The following KIAA1217 variants were observed in gnomAD, a reference collection of about 807,000 sequenced individuals.
KIAA1217 encodes KIAA1217.
A neutral mutation model predicts 163.9 loss-of-function variants in KIAA1217; 88 were observed. The observed-to-expected ratio is 0.54, with a 90% CI of 0.45 to 0.64. The LOEUF (loss-of-function observed/expected upper bound fraction) is 0.64, where lower values mean the gene tolerates loss of function less well. Ranked by LOEUF, KIAA1217 falls within the 30% of genes least tolerant of loss-of-function variation. KIAA1217 has a pLI of 0.00. For missense variants in KIAA1217, 2,372 were observed against 2,475.0 expected, an observed-to-expected ratio of 0.96 and a Z score of 0.88; for synonymous variants, 903 against 923.1, an observed-to-expected ratio of 0.98 and a Z score of 0.39.
intron 1 of KIAA1217, among the ~76,000 whole-genome samples, chr10:23,842,966 A>G (rs903838498): frequency 6.6e-6 from 1 of 152,190 alleles, no homozygotes; most frequent in African/African-American, 2.4e-5. Context: ...AGTAAAAATT[A>G]TTATCTTGGT....
At chr10:23,797,380 A>T (rs1261319288) in intron 1 of KIAA1217, among the ~76,000 whole-genome samples, 1 of 152,206 alleles carries the variant, frequency 6.6e-6, no homozygotes, top group Non-Finnish European at 1.5e-5. Flanking sequence ...TTTGTGAGAG[A>T]ATAAACAACT....
rs558232858 is a variant in KIAA1217 at position 24,527,527 on chromosome 10, G to C, written c.2899-409G>C. On this transcript the variant is annotated intron_variant, in intron 13 of 20. Coordinates refer to ENST00000376454, the MANE Select transcript of KIAA1217 (RefSeq NM_019590.5). The stretch of plus-strand genomic sequence containing the variant: ...AAAAAAAAAAAATTAGCCATGTGTG[G>C]TGGCTGAACATGTGTAATCCTAGTT... 7.3e-5 allele frequency among the ~76,000 whole-genome samples: 11 copies of C among 151,668 alleles called. 1 individual carries two copies. In the South Asian group the frequency reaches 2.3e-3, roughly 32 times the overall value.
chr10:24,436,757 CAAAAAAAAA>C (rs10560676), intron 4 of KIAA1217, among the ~76,000 whole-genome samples: 2 of 70,870 alleles, frequency 2.8e-5, no homozygotes, highest in African/African-American at 1.1e-4. Flanking sequence ...GACTCCGTCT[CAAAAAAAAA>C]AAAAAAAAAA....
chr10:24,132,116 T>C lies in KIAA1217; in HGVS notation c.-170-87510T>C, dbSNP rs569783667. ...TTCTCTGCCTGCAGTCCACCCATGGTAGAAAATCACGAAGGACTGCCTGGG... is the reference window on the plus strand; with the variant it reads ...TTCTCTGCCTGCAGTCCACCCATGGCAGAAAATCACGAAGGACTGCCTGGG... On this transcript the variant is annotated intron_variant, in intron 2 of 18. Transcript: ENST00000376462. Among the ~76,000 whole-genome samples, 3 of 152,226 alleles carry C rather than the reference T, an allele frequency of 2.0e-5. No individual in the cohort carries two copies. The South Asian group carries it at 6.2e-4, about 32-fold the overall frequency.
chr10:24,237,870 C>T (rs1040773239), intron 2 of KIAA1217, among the ~76,000 whole-genome samples: 1 of 152,184 alleles, frequency 6.6e-6, no homozygotes, highest in African/African-American at 2.4e-5. Context: ...TCTTGGTTGC[C>T]TTCAAAGGTA....
At chr10:24,529,890 T>TG (rs2134985590) in intron 14 of KIAA1217, among the ~76,000 whole-genome samples, 1 of 150,758 alleles carries the variant, frequency 6.6e-6, no homozygotes, top group East Asian at 1.9e-4. Flanking sequence ...CTCCGCCTCC[T>TG]GGGTTCAAGC....
Position 24,531,955 on chromosome 10 carries a change from G to A in KIAA1217, c.3208G>A (p.Val1070Met), listed in dbSNP as rs555621387. Residue 1070 changes from valine to methionine, a missense_variant, in exon 15 of 21, where the codon GTG becomes ATG. This residue lies in a region of KIAA1217 where 1,431 missense variants were observed against 1,470.3 expected (regional missense o/e 0.97). Transcript: ENST00000376454. ...ACTCACCACCACGAGGTCAGGCGATGTGGTCTACACCGGCAGAAAGGAGAA... is the reference window on the plus strand; with the variant it reads ...ACTCACCACCACGAGGTCAGGCGATATGGTCTACACCGGCAGAAAGGAGAA... ...SGLTTTRSGD[V>M]VYTGRKENIT... 1.9e-6 allele frequency: 3 copies of A among 1,607,666 alleles called. No homozygotes were observed. The highest frequency in any genetic ancestry group is 2.7e-5 in the African/African-American group (2 of 74,938).
At chr10:24,489,860 C>CA (rs11393718) in intron 6 of KIAA1217, among the ~76,000 whole-genome samples, 4,349 of 64,276 alleles carry the variant, frequency 0.068, 229 homozygotes, top group Middle Eastern at 0.12. Context: ...GAGAACCTGT[C>CA]AAAAAAAAAA....
intron 1 of KIAA1217, among the ~76,000 whole-genome samples, chr10:23,954,087 T>G (rs1431023015): frequency 1.3e-5 from 2 of 152,206 alleles, no homozygotes. Flanking sequence ...CCTGAAGGGT[T>G]TGTTATTTTC....
At chr10:24,317,439 A>T (rs1590907704) in intron 2 of KIAA1217, among the ~76,000 whole-genome samples, 1 of 152,044 alleles carries the variant, frequency 6.6e-6, no homozygotes, top group East Asian at 1.9e-4. Flanking sequence ...TTTATGGCCA[A>T]ATATGACACA....
At chr10:23,867,933 A>G (rs940092094) in intron 1 of KIAA1217, among the ~76,000 whole-genome samples, 3 of 152,112 alleles carry the variant, frequency 2.0e-5, no homozygotes, top group Admixed American at 2.0e-4. Context: ...GCCCACGCCT[A>G]TGTCCTGAAT....
chr10:24,250,459 GTCTC>G (rs753673771), intron 2 of KIAA1217, among the ~76,000 whole-genome samples: 2 of 151,312 alleles, frequency 1.3e-5, no homozygotes, highest in African/African-American at 4.9e-5. Context: ...TTGAAATGGG[GTCTC>G]TCTCTGTCAC....
chr10:24,023,568 A>G (rs1847823414), intron 2 of KIAA1217, among the ~76,000 whole-genome samples: 1 of 151,704 alleles, frequency 6.6e-6, no homozygotes. Context: ...TAGGGCCAAC[A>G]GTGGGACTTA....
chr10:24,157,715 A>T, intron 2 of KIAA1217: 1 of 246,408 alleles, frequency 4.1e-6, no homozygotes, highest in Non-Finnish European at 7.6e-6. Flanking sequence ...TAATGAGATT[A>T]TAACTCTCAG....
chr10:23,724,097 G>A (rs1458166146), intron 1 of KIAA1217, among the ~76,000 whole-genome samples: 1 of 152,130 alleles, frequency 6.6e-6, no homozygotes, highest in Non-Finnish European at 1.5e-5. Context: ...TCACTTTCAT[G>A]AGAACGGCAC....
intron 1 of KIAA1217, among the ~76,000 whole-genome samples, chr10:23,835,569 G>T (rs772355094): frequency 6.6e-6 from 1 of 152,048 alleles, no homozygotes; most frequent in Non-Finnish European, 1.5e-5. Context: ...GTTTTTATTT[G>T]CTCTTTTTCT....
chr10:23,900,727 C>T (rs1363455044), intron 1 of KIAA1217, among the ~76,000 whole-genome samples: 1 of 151,966 alleles, frequency 6.6e-6, no homozygotes, highest in African/African-American at 2.4e-5. Flanking sequence ...CATCAAAGGA[C>T]TTTGTATATA....
At chr10:24,362,983 A>T (rs1437387480) in intron 2 of KIAA1217, among the ~76,000 whole-genome samples, 1 of 152,102 alleles carries the variant, frequency 6.6e-6, no homozygotes, top group African/African-American at 2.4e-5. Flanking sequence ...TTTGTGAACA[A>T]AAGTGGAACT....
chr10:24,473,810 A>G lies in KIAA1217; in HGVS notation c.1429A>G (p.Arg477Gly). ...CAAAACACCCCCTGCCTCTCCTCACAGAGTCAGTGACCTGAGGATGATAGA... is the reference window on the plus strand; with the variant it reads ...CAAAACACCCCCTGCCTCTCCTCACGGAGTCAGTGACCTGAGGATGATAGA... ...GSKTPPASPH[R>G]VSDLRMIDMH... Residue 477 changes from arginine (R) to glycine (G), a missense_variant, in exon 6 of 21, where the codon AGA (arginine) becomes GGA (glycine). Around this residue, in one of 3 missense-constraint regions of KIAA1217, gnomAD observed 1,431 missense variants for 1,470.3 expected, o/e 0.97. Transcript: ENST00000376454. 3 of 1,614,166 alleles carry G rather than the reference A, an allele frequency of 1.9e-6. No individual in the cohort carries two copies. Among genetic ancestry groups the G allele is most frequent in the Middle Eastern group, 1.6e-4 (1 of 6,062 alleles).
Sources: allele counts gnomAD v4.1 joint callset (sites outside exome capture counted in the v4.1 genomes callset), GRCh38; gene constraint gnomAD v4.1.1; regional missense constraint gnomAD v4.1.1; transcripts MANE v1.5; gene names NCBI Gene and HGNC (gene_info 2026-07-23, HGNC 2026-07-21).